PPP2R3A: variants seen among roughly 807,000 people sequenced by gnomAD.
The protein encoded by PPP2R3A is serine/threonine-protein phosphatase 2A regulatory subunit B'' subunit alpha.
A neutral mutation model predicts 106.9 loss-of-function variants in PPP2R3A; 80 were observed. The ratio of observed to expected loss-of-function variants is 0.75; its 90% CI spans 0.62 to 0.90. PPP2R3A has a LOEUF of 0.90. PPP2R3A is among the 40% of genes least tolerant of loss of function. The probability of loss-of-function intolerance (pLI) is 0.00; values close to 1 mark genes in which losing one functional copy is unlikely to be tolerated. For synonymous variants in PPP2R3A, 483 were observed against 468.3 expected, an observed-to-expected ratio of 1.03 and a Z score of -0.41; for missense variants, 1,386 against 1,350.4, an observed-to-expected ratio of 1.03 and a Z score of -0.41.
chr3:136,106,290 A>AGAGGAATCTGCCCAAGCACAATT lies in PPP2R3A; in HGVS notation c.3298_3320dup (p.Phe1107LeufsTer35). On this transcript the variant is annotated frameshift_variant, in exon 13 of 14. Coordinates refer to ENST00000264977, the MANE Select transcript of PPP2R3A (RefSeq NM_002718.5). LOFTEE classifies it high-confidence loss of function. ...CTGAGGAGTATGAGACGCTTGTTGC[A>AGAGGAATCTGCCCAAGCACAATT]GAGGAATCTGCCCAAGCACAATTCC... is the stretch of plus-strand genomic sequence containing the variant. 1 of 1,613,956 alleles carries AGAGGAATCTGCCCAAGCACAATT rather than the reference A, an allele frequency of 6.2e-7. No homozygotes were observed.
At chr3:136,055,665 T>C (rs1482308976) in intron 5 of PPP2R3A, 3 of 1,141,138 alleles carry the variant, frequency 2.6e-6, no homozygotes, top group Non-Finnish European at 3.9e-6. Context: ...AGGTTGTTCA[T>C]AAGGAGCTTA....
At chr3:135,980,051 T>C (rs1230807605) in intron 1 of PPP2R3A, among the ~76,000 whole-genome samples, 1 of 151,818 alleles carries the variant, frequency 6.6e-6, no homozygotes, top group Non-Finnish European at 1.5e-5. Flanking sequence ...TTATGTCTAC[T>C]CTGTTTTCTT....
chr3:136,120,448 CAGGG>C (rs1937951374), intron 13 of PPP2R3A, among the ~76,000 whole-genome samples: 1 of 151,886 alleles, frequency 6.6e-6, no homozygotes, highest in Admixed American at 6.6e-5. Flanking sequence ...ATTAGCCGGG[CAGGG>C]TGGTGTGCGC....
At chr3:136,021,177 G>A (rs2107814161) in intron 2 of PPP2R3A, among the ~76,000 whole-genome samples, 1 of 152,070 alleles carries the variant, frequency 6.6e-6, no homozygotes, top group East Asian at 1.9e-4. Flanking sequence ...ATTTTATTTA[G>A]GAGATAAATA....
Position 136,030,778 on chromosome 3 carries a change from A to ATATATG in PPP2R3A, c.2262+3683_2262+3684insATGTAT, listed in dbSNP as rs1206335696. Among the ~76,000 whole-genome samples the ATATATG allele has an allele frequency of 7.6e-3, 842 of 111,268 alleles. 8 individuals carry two copies. Among genetic ancestry groups the ATATATG allele is most frequent in the Admixed American group, 0.02 (241 of 11,798 alleles). 73.0% of individuals were successfully genotyped at this position (111,268 alleles called of 152,430 possible). A position where few individuals can be genotyped will look rare whatever the true frequency, so the allele number is the denominator to read the frequency against. On this transcript the variant is annotated intron_variant, in intron 3 of 13. Coordinates refer to ENST00000264977, the MANE Select transcript of PPP2R3A (RefSeq NM_002718.5). Reference sequence around the variant, plus strand: ...TTCCATCACATATATATATATATATATATGTATGTATGTATGTATGTATGT... The same window carrying ATATATG: ...TTCCATCACATATATATATATATATATATATGTATGTATGTATGTATGTATGTATGT...
intron 2 of PPP2R3A, among the ~76,000 whole-genome samples, chr3:136,010,102 T>C (rs560544691): frequency 6.6e-6 from 1 of 152,148 alleles, no homozygotes; most frequent in Non-Finnish European, 1.5e-5. Context: ...TCAGCTAATC[T>C]TGTTTCCTAT....
chr3:136,082,417 C>G lies in PPP2R3A; in HGVS notation c.2784C>G (p.Asp928Glu), dbSNP rs1936806116. 3.1e-6 allele frequency: 5 copies of G among 1,613,274 alleles called. No individual in the cohort carries two copies. The South Asian group carries it at 3.3e-5, about 11-fold the overall frequency. Reference sequence around the variant, plus strand: ...AGGCCGATCTGTCTCGATACAATGACCAGGGTAAGTGATTCTGTAGATGCT... The same window carrying G: ...AGGCCGATCTGTCTCGATACAATGAGCAGGGTAAGTGATTCTGTAGATGCT... ...ISQADLSRYN[D>E]QASSSRIIER... The change falls in exon 8 of 14, where the codon GAC (aspartate) becomes GAG (glutamate). Residue 928 changes from aspartate to glutamate, a missense_variant. By Grantham distance (45) the Asp-to-Glu change is conservative. Transcript: ENST00000264977.
chr3:136,101,913 A>T, intron 10 of PPP2R3A, 94 bp from the exon 11 acceptor site: 1 of 1,284,710 alleles, frequency 7.8e-7, no homozygotes, highest in East Asian at 2.5e-5. Context: ...AAGTGTATGT[A>T]ATATGTAACT....
At chr3:135,968,599 A>G (rs1231513932) in intron 1 of PPP2R3A, among the ~76,000 whole-genome samples, 2 of 152,198 alleles carry the variant, frequency 1.3e-5, no homozygotes. Flanking sequence ...TTCTCAGTCC[A>G]ACACTCTCAT....
chr3:136,052,431 C>T (rs1935716678), intron 5 of PPP2R3A, among the ~76,000 whole-genome samples: 1 of 152,186 alleles, frequency 6.6e-6, no homozygotes, highest in Non-Finnish European at 1.5e-5. Flanking sequence ...CTAGGCTCTC[C>T]TCCTCCCCTT....
intron 1 of PPP2R3A, among the ~76,000 whole-genome samples, chr3:135,977,361 T>C (rs911500466): frequency 9.9e-5 from 15 of 152,212 alleles, no homozygotes; most frequent in African/African-American, 3.1e-4. Context: ...CAATAAAATA[T>C]TTAAATATTT....
intron 5 of PPP2R3A, chr3:136,055,359 C>T (rs1935825646): frequency 1.1e-6 from 1 of 952,156 alleles, no homozygotes; most frequent in Non-Finnish European, 1.7e-6. Context: ...AGTTTAGTTG[C>T]TACCTCAGGT....
Position 136,003,043 on chromosome 3 carries a change from T to C in PPP2R3A, c.1545T>C (p.Asp515=), listed in dbSNP as rs1323523775. Reference sequence around the variant, plus strand: ...AAGAGATAGATAAATTGTTAATGGATTTGGAATCTTTTTCACAGAAGATGG... The same window carrying C: ...AAGAGATAGATAAATTGTTAATGGACTTGGAATCTTTTTCACAGAAGATGG... ...SQEEIDKLLM[D]LESFSQKMET... The change falls in exon 2 of 14, where the codon GAT becomes GAC. Residue 515 remains aspartate, a synonymous_variant. Coordinates refer to ENST00000264977, the MANE Select transcript of PPP2R3A (RefSeq NM_002718.5). 3 of 1,612,762 alleles carry C rather than the reference T, an allele frequency of 1.9e-6. No individual in the cohort carries two copies. The highest frequency in any genetic ancestry group is 2.5e-6 in the Non-Finnish European group (3 of 1,179,676).
chr3:136,078,505 T>TA (rs776701291), intron 7 of PPP2R3A, 52 bp downstream of exon 7: 17 of 1,187,950 alleles, frequency 1.4e-5, no homozygotes, highest in Non-Finnish European at 2.1e-5. Flanking sequence ...ATAATTTTCT[T>TA]ACTTTATTTA....
intron 12 of PPP2R3A, 76 bp from the exon 13 acceptor site, chr3:136,106,140 A>G (rs1937511883): frequency 3.3e-6 from 4 of 1,226,032 alleles, no homozygotes; most frequent in African/African-American, 3.0e-5. Context: ...AGCAGTATAC[A>G]TTTGTGTGAT....
chr3:136,082,203 C>T, intron 7 of PPP2R3A, 62 bp from the exon 8 acceptor site: 2 of 1,412,868 alleles, frequency 1.4e-6, no homozygotes, highest in Non-Finnish European at 2.0e-6. Context: ...TCGCTAGACT[C>T]TGCACAGTGG....
intron 1 of PPP2R3A, among the ~76,000 whole-genome samples, chr3:135,986,352 C>T (rs1932917596): frequency 6.6e-6 from 1 of 152,094 alleles, no homozygotes; most frequent in East Asian, 1.9e-4. Context: ...TCCTCAATTC[C>T]TCTGACCCTC....
At chr3:136,049,227 CTA>C (rs1559888889) in intron 4 of PPP2R3A, 30 bp from the exon 5 acceptor site, 1 of 1,486,968 alleles carries the variant, frequency 6.7e-7, no homozygotes, top group Non-Finnish European at 9.3e-7. Context: ...TTCAGAGGAA[CTA>C]ATCTTCCTAA....
At chr3:136,115,652 C>T (rs1167882751) in intron 13 of PPP2R3A, among the ~76,000 whole-genome samples, 1 of 151,172 alleles carries the variant, frequency 6.6e-6, no homozygotes, top group African/African-American at 2.4e-5. Flanking sequence ...GGATATCAGA[C>T]ATTGAAGATC....
Sources: gnomAD v4.1 joint callset for allele counts (sites outside exome capture counted in the v4.1 genomes callset) on GRCh38, gnomAD v4.1.1 for gene constraint, MANE v1.5 for transcripts, NCBI Gene and HGNC (gene_info 2026-07-23, HGNC 2026-07-21) for gene names.